CATSPERE: variants seen among roughly 807,000 people sequenced by gnomAD.
CATSPERE encodes catsper channel auxiliary subunit epsilon.
Under a neutral mutation model 114.1 loss-of-function variants are expected in CATSPERE, and 93 were observed. That is an observed-to-expected ratio of 0.81 (90% CI 0.69 to 0.97). The LOEUF is 0.97. CATSPERE is among the 50% of genes least tolerant of loss of function. The pLI is 0.00. For synonymous variants in CATSPERE, 341 were observed against 384.1 expected, an observed-to-expected ratio of 0.89 and a Z score of 1.31; for missense variants, 1,058 against 1,131.6, an observed-to-expected ratio of 0.93 and a Z score of 0.93.
At chr1:244,483,264 A>G (rs1423520320) in intron 5 of CATSPERE, among the ~76,000 whole-genome samples, 1 of 152,248 alleles carries the variant, frequency 6.6e-6, no homozygotes, top group East Asian at 1.9e-4. Flanking sequence ...AAGATTCTAT[A>G]GTAATTTACA....
chr1:244,465,473 G>C (rs923775267), intron 2 of CATSPERE, among the ~76,000 whole-genome samples: 2 of 152,024 alleles, frequency 1.3e-5, no homozygotes, highest in Non-Finnish European at 2.9e-5. Flanking sequence ...AGTACAATAG[G>C]CATTCACATT....
intron 7 of CATSPERE, 48 bp from the exon 8 acceptor site, chr1:244,518,544 C>T: frequency 8.8e-7 from 1 of 1,137,738 alleles, no homozygotes; most frequent in Non-Finnish European, 1.3e-6. Context: ...CATCAAAATA[C>T]TTTAGCTATG....
chr1:244,524,973 G>A (rs1234716205), intron 8 of CATSPERE, among the ~76,000 whole-genome samples: 2 of 146,088 alleles, frequency 1.4e-5, no homozygotes, highest in Non-Finnish European at 3.0e-5. Context: ...ATTTGACCCA[G>A]CCATCCCATT....
exon 1 of CATSPERE, chr1:244,454,455 G>A (rs1263002406): frequency 6.6e-6 from 1 of 151,992 alleles, no homozygotes; most frequent in Non-Finnish European, 1.5e-5. Context: ...TAAGAATCTC[G>A]TCTATGTTTC....
chr1:244,483,628 T>C (rs1670588245), intron 5 of CATSPERE, among the ~76,000 whole-genome samples: 2 of 152,218 alleles, frequency 1.3e-5, no homozygotes, highest in African/African-American at 2.4e-5. Context: ...CTCTTTCCTA[T>C]TCAATAAGTA....
rs1254512000 is a variant in CATSPERE, at chr1:244,516,200, TAATAATAA to T, written c.430-2391_430-2384del. Among the ~76,000 whole-genome samples the T allele has an allele frequency of 1.2e-3, 180 of 151,660 alleles. 2 individuals are homozygous for T. Among genetic ancestry groups the T allele is most frequent in the African/African-American group, 4.3e-3 (177 of 41,396 alleles). ...AGTAAGACCTTGTCTCAAATAATAA[TAATAATAA>T]TAATAATAATAACAATGCAAACATT... On this transcript the variant is annotated intron_variant, in intron 7 of 21. Transcript: ENST00000366534.
chr1:244,484,348 G>A (rs1670683902), intron 5 of CATSPERE, among the ~76,000 whole-genome samples: 1 of 152,106 alleles, frequency 6.6e-6, no homozygotes. Context: ...CGTATATGGA[G>A]AAGCAAAAGA....
chr1:244,552,856 T>G, intron 9 of CATSPERE, 42 bp downstream of exon 9: 1 of 1,018,672 alleles, frequency 9.8e-7, no homozygotes, highest in Non-Finnish European at 1.3e-6. Flanking sequence ...ATATTTATAT[T>G]TTACAAAGGT....
rs1402909971 is a variant in CATSPERE, at chr1:244,639,949, T to C, written c.2724T>C (p.Ala908=). The change falls in exon 22 of 22, where the codon GCT becomes GCC. Residue 908 remains alanine (A), a synonymous_variant. Transcript: ENST00000366534. ...LIPSPSVYLV[A]SFLFVLMLLF... ...TCAGTCCAAGTGTCTACCTGGTAGC[T>C]TCTTTCCTCTTCGTCCTGATGCTGC... 1.3e-6 allele frequency: 2 copies of C among 1,549,986 alleles called. No homozygotes were observed. The highest frequency in any genetic ancestry group is 4.9e-5 in the East Asian group (2 of 40,890).
intron 8 of CATSPERE, among the ~76,000 whole-genome samples, chr1:244,539,404 T>C (rs1446605960): frequency 7.5e-6 from 1 of 132,550 alleles, no homozygotes; most frequent in Non-Finnish European, 1.6e-5. Context: ...TTTGCATCAA[T>C]GTTCATCAAG....
At position 244,578,843 on chromosome 1, in the gene CATSPERE, T is replaced by TAC. The variant is rs1553369188; in HGVS notation, c.1951-2941_1951-2940dup. ...ATATACATATATATATATATATATA[T>TAC]ACACACACACACAGGTACATATCAA... On this transcript the variant is annotated intron_variant, in intron 11 of 21. Transcript: ENST00000366534. 3.9e-3 allele frequency among the ~76,000 whole-genome samples: 539 copies of TAC among 139,572 alleles called. 2 individuals are homozygous for TAC. Among genetic ancestry groups the TAC allele is most frequent in the East Asian group, 0.032 (152 of 4,742 alleles). 91.6% of individuals were successfully genotyped at this position (139,572 alleles called of 152,430 possible). A position where few individuals can be genotyped will look rare whatever the true frequency, so the allele number is the denominator to read the frequency against.
intron 8 of CATSPERE, 76 bp from the exon 9 acceptor site, chr1:244,552,246 G>A (rs1660777482): frequency 6.7e-7 from 1 of 1,491,822 alleles, no homozygotes; most frequent in Non-Finnish European, 8.9e-7. Flanking sequence ...ATGTTTTAAA[G>A]ATGATAGATA....
chr1:244,536,085 AG>A (rs1356620055), intron 8 of CATSPERE, among the ~76,000 whole-genome samples: 1 of 152,076 alleles, frequency 6.6e-6, no homozygotes, highest in African/African-American at 2.4e-5. Context: ...TGGGGGCCTC[AG>A]GACTGCCCAG....
At chr1:244,481,597 A>G (rs893086951) in intron 5 of CATSPERE, among the ~76,000 whole-genome samples, 4 of 152,212 alleles carry the variant, frequency 2.6e-5, no homozygotes, top group Admixed American at 1.3e-4. Context: ...ATCTGTTGCC[A>G]TAAGACTGTA....
At chr1:244,510,150 G>A (rs1302998460) in intron 7 of CATSPERE, among the ~76,000 whole-genome samples, 1 of 151,880 alleles carries the variant, frequency 6.6e-6, no homozygotes, top group East Asian at 1.9e-4. Context: ...CTGGTTCCTT[G>A]AGGTGCATTA....
Position 244,477,966 on chromosome 1 carries a change from T to C in CATSPERE, c.249T>C (p.Val83=), listed in dbSNP as rs956088335. ...SPGVHAIKPI[V]TGPDEEERYL... is the part of the protein sequence containing the mutation. Reference sequence around the variant, plus strand: ...GTGTTCACGCTATAAAACCAATTGTTACTGGCCCAGTAAGTTGTTTTAATG... The same window carrying C: ...GTGTTCACGCTATAAAACCAATTGTCACTGGCCCAGTAAGTTGTTTTAATG... Residue 83 remains valine (V), a synonymous_variant, in exon 4 of 22, where the codon GTT becomes GTC. Coordinates refer to ENST00000366534, the MANE Select transcript of CATSPERE (RefSeq NM_001130957.2). 4.4e-6 allele frequency: 7 copies of C among 1,597,114 alleles called. No individual in the cohort carries two copies. The South Asian group carries it at 4.4e-5, about 10-fold the overall frequency.
At chr1:244,527,417 G>A (rs562364705) in intron 8 of CATSPERE, among the ~76,000 whole-genome samples, 4 of 152,130 alleles carry the variant, frequency 2.6e-5, no homozygotes, top group Non-Finnish European at 4.4e-5. Context: ...CCGGCTCAGC[G>A]GCAGTCAGAG....
chr1:244,493,968 A>G (rs944486413), intron 6 of CATSPERE, among the ~76,000 whole-genome samples: 1 of 152,148 alleles, frequency 6.6e-6, no homozygotes, highest in Non-Finnish European at 1.5e-5. Flanking sequence ...GCTGGAGAGG[A>G]TGTGGAGAAA....
intron 20 of CATSPERE, among the ~76,000 whole-genome samples, chr1:244,623,058 T>TTTTATTTATTTATTTA (rs6143712): frequency 0.05 from 7,238 of 145,534 alleles, 195 homozygotes; most frequent in African/African-American, 0.067. Flanking sequence ...TTTGTCTTAT[T>TTTTATTTATTTATTTA]TTTATTTATT....
Sources: gnomAD v4.1 joint callset for allele counts (sites outside exome capture counted in the v4.1 genomes callset) on GRCh38, gnomAD v4.1.1 for gene constraint, MANE v1.5 for transcripts, NCBI Gene and HGNC (gene_info 2026-07-23, HGNC 2026-07-21) for gene names.